USP48: variants seen among roughly 807,000 people sequenced by gnomAD.
USP48 encodes ubiquitin specific peptidase 48.
USP48 carries 43 observed loss-of-function variants against 150.7 expected under a neutral mutation model. That is an observed-to-expected ratio of 0.29 (90% CI 0.22 to 0.37). USP48 has a LOEUF of 0.37. Ranked by LOEUF, USP48 falls within the 10% of genes least tolerant of loss-of-function variation. The probability of loss-of-function intolerance (pLI) is 1.00; values close to 1 mark genes in which losing one functional copy is unlikely to be tolerated. For synonymous variants in USP48, 396 were observed against 425.9 expected (o/e 0.93, Z 0.86); for missense variants, 813 against 1,249.6 (o/e 0.65, Z 5.27).
intron 22 of USP48, among the ~76,000 whole-genome samples, chr1:21,700,674 A>T (rs1194954834): frequency 1.3e-5 from 2 of 152,246 alleles, no homozygotes; most frequent in African/African-American, 4.8e-5. Context: ...AAAATCCATG[A>T]GTTTAAAGTA....
chr1:21,729,857 C>G (rs766616750), intron 9 of USP48, 25 bp from the exon 10 acceptor site: 5 of 1,613,570 alleles, frequency 3.1e-6, no homozygotes, highest in Non-Finnish European at 4.2e-6. Context: ...TCAAAAGGTA[C>G]CTTAACTTAA....
At chr1:21,719,018 G>A (rs936638074) in intron 14 of USP48, among the ~76,000 whole-genome samples, 2 of 151,944 alleles carry the variant, frequency 1.3e-5, no homozygotes, top group Admixed American at 6.6e-5. Flanking sequence ...TGTAATCCTA[G>A]CACTTTGGGA....
Position 21,754,467 on chromosome 1 carries a change from G to A in USP48, c.413-1348C>T, listed in dbSNP as rs149019624. ...ATGGATATTGAGAGCCCAGAAGACAGAAGTCTTATCTTCTTTAAGTTATTA... is the reference window on the plus strand; with the variant it reads ...ATGGATATTGAGAGCCCAGAAGACAAAAGTCTTATCTTCTTTAAGTTATTA... On this transcript the variant is annotated intron_variant, in intron 3 of 26. Transcript: ENST00000308271. 1.4e-3 allele frequency among the ~76,000 whole-genome samples: 215 copies of A among 152,296 alleles called. 2 individuals carry two copies. In the East Asian group the frequency reaches 0.021, roughly 15 times the overall value.
chr1:21,731,263 A>G (rs1285051574), intron 9 of USP48, among the ~76,000 whole-genome samples: 3 of 152,086 alleles, frequency 2.0e-5, no homozygotes, highest in African/African-American at 7.2e-5. Context: ...ATAAAATAGC[A>G]TATTTTCTTT....
At chr1:21,691,371 T>C (rs1350477888) in intron 23 of USP48, among the ~76,000 whole-genome samples, 1 of 150,614 alleles carries the variant, frequency 6.6e-6, no homozygotes, top group Non-Finnish European at 1.5e-5. Flanking sequence ...TGGTGGCTCA[T>C]GCTTGTAATA....
intron 1 of USP48, among the ~76,000 whole-genome samples, chr1:21,759,155 C>G (rs1333582738): frequency 7.4e-6 from 1 of 135,116 alleles, no homozygotes; most frequent in East Asian, 2.2e-4. Flanking sequence ...GCACTCCAGC[C>G]TGGGCAACAG....
rs1005556266 is a variant in USP48, at chr1:21,706,257, T to C, written c.2212-70A>G. 2.6e-5 allele frequency: 41 copies of C among 1,560,450 alleles called. 1 individual carries two copies. The Admixed American group carries it at 7.5e-4, about 28-fold the overall frequency. Reference sequence around the variant, plus strand: ...TGCTTAACACAAATTCCTTATAATATACTTTGGTTGTCCTTATTCAAGTTT... The same window carrying C: ...TGCTTAACACAAATTCCTTATAATACACTTTGGTTGTCCTTATTCAAGTTT... On this transcript the variant is annotated intron_variant, in intron 17 of 26. Coordinates refer to ENST00000308271, the MANE Select transcript of USP48 (RefSeq NM_032236.8).
In USP48 at chr1:21,678,546, A is replaced by C. The variant is rs1275557660; in HGVS notation, c.*871T>G. The C allele has an allele frequency of 6.6e-6, 1 of 152,186 alleles. No homozygotes were observed. The highest frequency in any genetic ancestry group is 1.5e-5 in the Non-Finnish European group (1 of 68,022). 9.4% of individuals were successfully genotyped at this position (152,186 alleles called of 1,614,324 possible). A position where few individuals can be genotyped will look rare whatever the true frequency, so the allele number is the denominator to read the frequency against. On this transcript the variant is annotated 3_prime_UTR_variant, in exon 27 of 27. Coordinates refer to ENST00000308271, the MANE Select transcript of USP48 (RefSeq NM_032236.8). ...ATGGAGGACAGGAAGAACAAATTTT[A>C]TAGAAACCTTGTGTTATCCAAATGT...
chr1:21,728,061 T>C (rs2097744368), intron 11 of USP48: 4 of 985,500 alleles, frequency 4.1e-6, no homozygotes, highest in Admixed American at 6.1e-5. Context: ...AGCTGGATTA[T>C]GTGGGATATT....
At chr1:21,775,535 G>C (rs528788366) in intron 1 of USP48, among the ~76,000 whole-genome samples, 1 of 152,182 alleles carries the variant, frequency 6.6e-6, no homozygotes, top group Non-Finnish European at 1.5e-5. Flanking sequence ...GACTACAGGC[G>C]TAAGCCACCG....
At position 21,706,838 on chromosome 1, in the gene USP48, C is replaced by T; in HGVS notation, c.1994G>A (p.Arg665Lys). ...GCTCCAAGCCTCTTTAGAAACAAGC[C>T]TTCTTTCATTTTCAGATATGCATAA... ...GELCISENER[R>K]LVSKEAWSKL... is the part of the protein sequence containing the mutation. Residue 665 changes from arginine (R) to lysine (K), a missense_variant, in exon 16 of 27, where the codon AGG (arginine) becomes AAG (lysine). Physicochemically the swap from Arg to Lys is conservative, Grantham distance 26. Transcript: ENST00000308271. 8.7e-6 allele frequency: 14 copies of T among 1,612,664 alleles called. No homozygotes were observed. Among genetic ancestry groups the T allele is most frequent in the Non-Finnish European group, 1.1e-5 (13 of 1,179,642 alleles).
intron 15 of USP48, among the ~76,000 whole-genome samples, chr1:21,707,705 T>C (rs192459654): frequency 3.3e-5 from 5 of 152,214 alleles, no homozygotes; most frequent in Non-Finnish European, 7.3e-5. Flanking sequence ...TCTAAAGTCA[T>C]ATGTTTGTTT....
chr1:21,724,655 T>C (rs2097731424), intron 11 of USP48: 1 of 154,238 alleles, frequency 6.5e-6, no homozygotes, highest in African/African-American at 2.4e-5. Context: ...GATGGCAATT[T>C]TGAAAAGGTA....
chr1:21,761,843 G>C (rs1165830495), intron 1 of USP48, among the ~76,000 whole-genome samples: 1 of 152,170 alleles, frequency 6.6e-6, no homozygotes, highest in Non-Finnish European at 1.5e-5. Flanking sequence ...TTATATCAAA[G>C]CTAGGAGGGA....
At chr1:21,746,453 A>AATACATAC (rs150166008) in intron 8 of USP48, among the ~76,000 whole-genome samples, 11 of 152,014 alleles carry the variant, frequency 7.2e-5, no homozygotes, top group African/African-American at 9.7e-5. Flanking sequence ...CCGTCTCAAA[A>AATACATAC]ATACATACAT....
At chr1:21,710,189 T>A (rs917313695) in intron 15 of USP48, among the ~76,000 whole-genome samples, 1 of 152,200 alleles carries the variant, frequency 6.6e-6, no homozygotes, top group African/African-American at 2.4e-5. Flanking sequence ...ATCCATTCTA[T>A]GAGCAATACC....
chr1:21,679,707 C>A (rs996525143), intron 26 of USP48, among the ~76,000 whole-genome samples: 2 of 152,212 alleles, frequency 1.3e-5, no homozygotes, highest in East Asian at 3.9e-4. Context: ...AATGACCATT[C>A]TTCTTTTCTG....
chr1:21,696,473 G>C (rs146141660), intron 22 of USP48, among the ~76,000 whole-genome samples: 1 of 152,110 alleles, frequency 6.6e-6, no homozygotes, highest in African/African-American at 2.4e-5. Flanking sequence ...AAGCGGGTGC[G>C]GAGACAGAGT....
At chr1:21,721,844 A>C in intron 12 of USP48, 80 bp from the exon 13 acceptor site, 1 of 1,005,552 alleles carries the variant, frequency 9.9e-7, no homozygotes. Flanking sequence ...AGCACTTCAC[A>C]AACACAGACA....
Sources: gnomAD v4.1 joint callset for allele counts (sites outside exome capture counted in the v4.1 genomes callset) on GRCh38, gnomAD v4.1.1 for gene constraint, MANE v1.5 for transcripts, NCBI Gene and HGNC (gene_info 2026-07-23, HGNC 2026-07-21) for gene names.